ALK: variants seen among roughly 807,000 people sequenced by gnomAD.
ALK encodes ALK tyrosine kinase receptor.
A neutral mutation model predicts 163.1 loss-of-function variants in ALK; 74 were observed. That is an observed-to-expected ratio of 0.45 (90% confidence interval 0.38 to 0.55). The LOEUF is 0.55. Among genes scored for constraint, ALK ranks in the 20% least tolerant of loss-of-function variants. The pLI is 0.00. For missense variants in ALK, 2,063 were observed against 2,105.3 expected (o/e 0.98, Z 0.39); for synonymous variants, 960 against 843.2 (o/e 1.14, Z -2.40).
chr2:29,275,458 G>A lies in ALK; in HGVS notation c.1856C>T (p.Ser619Phe). 1 of 1,614,150 alleles carries A rather than the reference G, an allele frequency of 6.2e-7. No homozygotes were observed. Among genetic ancestry groups the A allele is most frequent in the Non-Finnish European group, 8.5e-7 (1 of 1,180,026 alleles). The change falls in exon 10 of 29, where the codon TCC (serine) becomes TTC (phenylalanine). Residue 619 changes from serine (S) to phenylalanine (F), a missense_variant. Around this residue, in one of 5 missense-constraint regions of ALK, gnomAD observed 987 missense variants for 939.5 expected, o/e 1.05. Coordinates refer to ENST00000389048, the MANE Select transcript of ALK (RefSeq NM_004304.5). The part of the protein sequence containing the change: ...LQMVAWWGQG[S>F]RAIVAFDNIS... ...ATTGTCAAAAGCCACGATGGCTCTG[G>A]ATCCTTGTCCCCACCATGCGACCAT...
chr2:29,790,902 A>T (rs985348537), intron 1 of ALK, among the ~76,000 whole-genome samples: 5 of 152,098 alleles, frequency 3.3e-5, no homozygotes, highest in African/African-American at 1.2e-4. Flanking sequence ...ATCCTTTAAG[A>T]TCCTATACAT....
At chr2:29,381,418 G>A (rs1668892989) in intron 5 of ALK, among the ~76,000 whole-genome samples, 1 of 152,236 alleles carries the variant, frequency 6.6e-6, no homozygotes, top group Admixed American at 6.5e-5. Flanking sequence ...CATGGCCTCT[G>A]TCTTGATGAC....
intron 5 of ALK, among the ~76,000 whole-genome samples, chr2:29,344,440 C>T (rs1667888578): frequency 6.6e-6 from 1 of 152,122 alleles, no homozygotes; most frequent in South Asian, 2.1e-4. Flanking sequence ...GAGCCTGGGG[C>T]ATGCATGTAA....
rs1664825556 is a variant in ALK at position 29,251,924 on chromosome 2, G to A, written c.2042-657C>T. On this transcript the variant is annotated intron_variant, in intron 11 of 28. Transcript: ENST00000389048. ...CCTGCCTGTCAGACGCTCCCTAACAGACCTGCAGCAAGGCAGGGCTCAGGC... is the reference window on the plus strand; with the variant it reads ...CCTGCCTGTCAGACGCTCCCTAACAAACCTGCAGCAAGGCAGGGCTCAGGC... 3.3e-5 allele frequency among the ~76,000 whole-genome samples: 5 copies of A among 152,318 alleles called. No individual in the cohort carries two copies. The South Asian group carries it at 1.0e-3, about 32-fold the overall frequency.
intron 1 of ALK, among the ~76,000 whole-genome samples, chr2:29,917,534 C>T (rs536106948): frequency 1.3e-5 from 2 of 152,306 alleles, no homozygotes; most frequent in African/African-American, 4.8e-5. Flanking sequence ...AAACACAGAA[C>T]ATGGTATAGC....
chr2:29,902,748 A>G (rs1378226643), intron 1 of ALK, among the ~76,000 whole-genome samples: 4 of 152,130 alleles, frequency 2.6e-5, no homozygotes, highest in Non-Finnish European at 5.9e-5. Flanking sequence ...TTTCATCCTG[A>G]CTATTCCAAA....
At chr2:29,439,208 T>G (rs983294249) in intron 4 of ALK, among the ~76,000 whole-genome samples, 1 of 152,186 alleles carries the variant, frequency 6.6e-6, no homozygotes, top group Non-Finnish European at 1.5e-5. Context: ...TTTCTAGTAC[T>G]GAAACAACAT....
chr2:29,751,714 C>T (rs73922251), intron 1 of ALK, among the ~76,000 whole-genome samples: 1,858 of 152,226 alleles, frequency 0.012, 42 homozygotes, highest in African/African-American at 0.043. Flanking sequence ...AGGCAGTGAC[C>T]ACCTTTCATG....
At chr2:29,503,179 A>T (rs1672229856) in intron 4 of ALK, among the ~76,000 whole-genome samples, 1 of 152,216 alleles carries the variant, frequency 6.6e-6, no homozygotes, top group Non-Finnish European at 1.5e-5. Flanking sequence ...TTTTATTTTC[A>T]TCTTAAACTG....
At chr2:29,675,321 CAG>C in intron 3 of ALK, among the ~76,000 whole-genome samples, 1 of 152,030 alleles carries the variant, frequency 6.6e-6, no homozygotes, top group Non-Finnish European at 1.5e-5. Flanking sequence ...ACATTTAAAG[CAG>C]ATTCTATTTT....
rs568636923 is a variant in ALK at position 29,913,755 on chromosome 2, G to A, written c.667+6238C>T. Among the ~76,000 whole-genome samples, 13 of 152,160 alleles carry A rather than the reference G, an allele frequency of 8.5e-5. No individual in the cohort carries two copies. In the South Asian group the frequency reaches 2.3e-3, roughly 27 times the overall value. ...AGGCAGCCTCCCACTCAAGTCCCTG[G>A]GTTATACGTCTCCAGGGAGTCTCAA... On this transcript the variant is annotated intron_variant, in intron 1 of 28. Transcript: ENST00000389048.
chr2:29,308,319 T>C (rs1666588887), intron 8 of ALK, among the ~76,000 whole-genome samples: 1 of 151,252 alleles, frequency 6.6e-6, no homozygotes. Flanking sequence ...CTTTGGGGGG[T>C]AAGATTTTGG....
Position 29,920,150 on chromosome 2 carries a change from G to C in ALK, c.510C>G (p.Leu170=), listed in dbSNP as rs886055933. The stretch of plus-strand genomic sequence containing the variant: ...GAATCCACCAACTGAACAGCTCGCT[G>C]AGATTGAACTGGAGCAGCCCCACAG... The part of the protein sequence containing the change: ...EAAVGLLQFN[L]SELFSWWIRQ... Residue 170 remains leucine (L), a synonymous_variant, in exon 1 of 29, where the codon CTC becomes CTG. Transcript: ENST00000389048. 1 of 1,613,714 alleles carries C rather than the reference G, an allele frequency of 6.2e-7. No individual in the cohort carries two copies. The highest frequency in any genetic ancestry group is 8.5e-7 in the Non-Finnish European group (1 of 1,180,044).
chr2:29,599,355 C>A (rs1412766675), intron 3 of ALK, among the ~76,000 whole-genome samples: 1 of 152,226 alleles, frequency 6.6e-6, no homozygotes, highest in Non-Finnish European at 1.5e-5. Flanking sequence ...GAGGAACTAA[C>A]TGCCAGGAGT....
chr2:29,685,463 T>G (rs1678208342), intron 3 of ALK, among the ~76,000 whole-genome samples: 1 of 152,228 alleles, frequency 6.6e-6, no homozygotes. Context: ...TCTTTCCCAT[T>G]TCTTGTCCAT....
At chr2:29,527,008 G>C (rs1046177359) in intron 4 of ALK, among the ~76,000 whole-genome samples, 1 of 152,206 alleles carries the variant, frequency 6.6e-6, no homozygotes, top group Non-Finnish European at 1.5e-5. Context: ...CTGGGGTGGG[G>C]AGAATTACTT....
At chr2:29,771,486 T>A (rs935671006) in intron 1 of ALK, among the ~76,000 whole-genome samples, 2 of 152,144 alleles carry the variant, frequency 1.3e-5, no homozygotes, top group African/African-American at 4.8e-5. Context: ...AATGGAGTGA[T>A]GTCTTCCAAA....
At chr2:29,301,771 C>G (rs1666377357) in intron 8 of ALK, among the ~76,000 whole-genome samples, 1 of 152,268 alleles carries the variant, frequency 6.6e-6, no homozygotes, top group Admixed American at 6.5e-5. Context: ...GCTGAGCTCT[C>G]TCCATCTTCC....
intron 1 of ALK, among the ~76,000 whole-genome samples, chr2:29,842,616 A>G (rs1572427744): frequency 6.6e-6 from 1 of 152,214 alleles, no homozygotes; most frequent in East Asian, 1.9e-4. Context: ...ATTTAGTGAC[A>G]GCTGATTACC....
Sources: gnomAD v4.1 joint callset for allele counts (sites outside exome capture counted in the v4.1 genomes callset) on GRCh38, gnomAD v4.1.1 for gene constraint, gnomAD v4.1.1 regional missense constraint, MANE v1.5 for transcripts, NCBI Gene and HGNC (gene_info 2026-07-23, HGNC 2026-07-21) for gene names.